Variants in EPC1 observed in about 807,000 individuals in gnomAD.
EPC1 encodes enhancer of polycomb 1.
EPC1 carries 12 observed loss-of-function variants against 98.4 expected under a neutral mutation model. That is an observed-to-expected ratio of 0.12 (90% confidence interval 0.08 to 0.20). The LOEUF (loss-of-function observed/expected upper bound fraction) is 0.20, where lower values mean the gene tolerates loss of function less well. Among genes scored for constraint, EPC1 ranks in the 10% least tolerant of loss-of-function variants. EPC1 has a pLI of 1.00. For missense variants in EPC1, 729 were observed against 990.5 expected, an observed-to-expected ratio of 0.74 and a Z score of 3.54; for synonymous variants, 357 against 363.9, an observed-to-expected ratio of 0.98 and a Z score of 0.21.
intron 2 of EPC1, among the ~76,000 whole-genome samples, chr10:32,300,331 G>C (rs1292575712): frequency 1.3e-5 from 2 of 151,810 alleles, no homozygotes; most frequent in Non-Finnish European, 2.9e-5. Flanking sequence ...TGCCATGTTG[G>C]TGTGCTGCAC....
At chr10:32,296,312 A>G (rs1835155033) in intron 2 of EPC1, among the ~76,000 whole-genome samples, 1 of 152,174 alleles carries the variant, frequency 6.6e-6, no homozygotes. Context: ...TCTTCTTTAG[A>G]TCGTATCACA....
chr10:32,319,491 T>C (rs1836754772), intron 1 of EPC1, among the ~76,000 whole-genome samples: 1 of 152,152 alleles, frequency 6.6e-6, no homozygotes, highest in South Asian at 2.1e-4. Context: ...GATGCATCTG[T>C]GTGCCTCCAG....
At chr10:32,281,530 T>C (rs997848719) in intron 10 of EPC1, among the ~76,000 whole-genome samples, 17 of 152,322 alleles carry the variant, frequency 1.1e-4, no homozygotes, top group African/African-American at 3.8e-4. Flanking sequence ...GCTTAACCTA[T>C]GAATAAAGTG....
chr10:32,371,254 G>A (rs1839740344), intron 1 of EPC1, among the ~76,000 whole-genome samples: 1 of 152,168 alleles, frequency 6.6e-6, no homozygotes, highest in Admixed American at 6.5e-5. Context: ...CTCTATCTTG[G>A]AGGATGGAGA....
chr10:32,292,430 A>G (rs1412836427), intron 5 of EPC1, 66 bp downstream of exon 5: 1 of 1,187,998 alleles, frequency 8.4e-7, no homozygotes, highest in Non-Finnish European at 1.2e-6. Flanking sequence ...TAGGAAATAA[A>G]TTAACTCAAT....
chr10:32,366,169 A>G (rs1273261696), intron 1 of EPC1, among the ~76,000 whole-genome samples: 2 of 152,180 alleles, frequency 1.3e-5, no homozygotes, highest in African/African-American at 4.8e-5. Context: ...GTACTTTTAA[A>G]TCTACATTAC....
At chr10:32,288,728 T>C (rs548671470) in intron 6 of EPC1, among the ~76,000 whole-genome samples, 3 of 151,970 alleles carry the variant, frequency 2.0e-5, no homozygotes, top group Admixed American at 2.0e-4. Flanking sequence ...ATATGATAAC[T>C]GAAGGATAAC....
chr10:32,296,461 T>A (rs1477161065), intron 2 of EPC1, among the ~76,000 whole-genome samples: 1 of 152,102 alleles, frequency 6.6e-6, no homozygotes, highest in African/African-American at 2.4e-5. Flanking sequence ...ACACCCAACA[T>A]ATCAGGGGCT....
chr10:32,271,730 G>A lies in EPC1; in HGVS notation c.2193C>T (p.Asn731=), dbSNP rs764327087. The change falls in exon 13 of 14, where the codon AAC becomes AAT. Residue 731 remains asparagine, a synonymous_variant. Transcript: ENST00000319778. Reference sequence around the variant, plus strand: ...CTGATGAAGGTACAGTTAATCGAATGTTGTTCCCAATCAGAACCTGAGTTG... The same window carrying A: ...CTGATGAAGGTACAGTTAATCGAATATTGTTCCCAATCAGAACCTGAGTTG... The part of the protein sequence containing the change: ...SATTQVLIGN[N]IRLTVPSSVA... The A allele has an allele frequency of 3.0e-5, 48 of 1,614,080 alleles. No individual in the cohort carries two copies. Among genetic ancestry groups the A allele is most frequent in the Non-Finnish European group, 3.9e-5 (46 of 1,180,040 alleles).
intron 1 of EPC1, among the ~76,000 whole-genome samples, chr10:32,375,215 C>T (rs1358581545): frequency 1.3e-5 from 2 of 151,958 alleles, no homozygotes; most frequent in Admixed American, 6.6e-5. Flanking sequence ...CTATATTGTG[C>T]GTGATTTCAC....
chr10:32,362,427 C>T (rs919846742), intron 1 of EPC1, among the ~76,000 whole-genome samples: 2 of 152,056 alleles, frequency 1.3e-5, no homozygotes, highest in African/African-American at 2.4e-5. Context: ...TTCATGAGAT[C>T]TGGTTGTTTG....
intron 1 of EPC1, among the ~76,000 whole-genome samples, chr10:32,342,176 T>A (rs1459313353): frequency 6.6e-6 from 1 of 152,214 alleles, no homozygotes; most frequent in East Asian, 1.9e-4. Flanking sequence ...TAAACTTTGC[T>A]TCTACTATAA....
At chr10:32,313,540 A>G (rs1836370895) in intron 1 of EPC1, among the ~76,000 whole-genome samples, 1 of 152,262 alleles carries the variant, frequency 6.6e-6, no homozygotes, top group Non-Finnish European at 1.5e-5. Flanking sequence ...TCAGTGGAGA[A>G]AGTGACATTT....
Position 32,287,150 on chromosome 10 carries a change from T to C in EPC1, c.1100A>G (p.Lys367Arg), listed in dbSNP as rs1001018123. 4 of 1,614,220 alleles carry C rather than the reference T, an allele frequency of 2.5e-6. No homozygotes were observed. Among genetic ancestry groups the C allele is most frequent in the Non-Finnish European group, 3.4e-6 (4 of 1,180,038 alleles). The change falls in exon 7 of 14, where the codon AAA becomes AGA. Residue 367 changes from lysine (K) to arginine (R), a missense_variant. Around this residue, in one of 6 missense-constraint regions of EPC1, gnomAD observed 390 missense variants for 438.6 expected, o/e 0.89. Coordinates refer to ENST00000319778, the MANE Select transcript of EPC1 (RefSeq NM_001272004.3). Reference protein sequence around the residue: ...SPAALPVFNAKDLNQYDFPSS... With the variant: ...SPAALPVFNARDLNQYDFPSS... ...GGGAAAGTCATACTGATTCAGATCTTTAGCATTGAAGACTGGCAGTGCAGC... is the reference window on the plus strand; with the variant it reads ...GGGAAAGTCATACTGATTCAGATCTCTAGCATTGAAGACTGGCAGTGCAGC...
chr10:32,308,254 T>C (rs912473696), intron 1 of EPC1, among the ~76,000 whole-genome samples: 1 of 152,116 alleles, frequency 6.6e-6, no homozygotes, highest in Non-Finnish European at 1.5e-5. Flanking sequence ...CTGGGTGTGA[T>C]GGCATGTGCC....
chr10:32,331,365 AAAAAG>A (rs761090369), intron 1 of EPC1, among the ~76,000 whole-genome samples: 13 of 152,116 alleles, frequency 8.5e-5, no homozygotes, highest in Non-Finnish European at 4.4e-5. Flanking sequence ...AAGAAAAAAA[AAAAAG>A]AAAAGAAAAC....
intron 2 of EPC1, among the ~76,000 whole-genome samples, chr10:32,302,650 A>AAAC (rs1554820627): frequency 7.9e-4 from 1 of 1,260 alleles, no homozygotes; most frequent in African/African-American, 2.1e-3. Flanking sequence ...ACTCCATCTC[A>AAAC]AAAAAAAAAA....
At chr10:32,308,597 A>T (rs771070480) in intron 1 of EPC1, among the ~76,000 whole-genome samples, 202 of 152,322 alleles carry the variant, frequency 1.3e-3, no homozygotes, top group Non-Finnish European at 1.4e-3. Flanking sequence ...ATAGTGAGCC[A>T]TCTGTCCTAA....
intron 1 of EPC1, among the ~76,000 whole-genome samples, chr10:32,329,855 A>G (rs151114635): frequency 9.2e-4 from 140 of 152,342 alleles, no homozygotes; most frequent in African/African-American, 3.2e-3. Flanking sequence ...ATGAAAGATG[A>G]TATTATGAGA....
Sources: allele counts gnomAD v4.1 joint callset (sites outside exome capture counted in the v4.1 genomes callset), GRCh38; gene constraint gnomAD v4.1.1; regional missense constraint gnomAD v4.1.1; transcripts MANE v1.5; gene names NCBI Gene and HGNC (gene_info 2026-07-23, HGNC 2026-07-21).